The following TGFBR3 variants were observed in gnomAD, a reference collection of about 807,000 sequenced individuals.
The protein encoded by TGFBR3 is transforming growth factor beta receptor 3, also known as transforming growth factor beta receptor type 3.
A neutral mutation model predicts 87.9 loss-of-function variants in TGFBR3; 46 were observed. The observed-to-expected ratio is 0.52, with a 90% confidence interval of 0.41 to 0.67. TGFBR3 has a LOEUF of 0.67. TGFBR3 is among the 30% of genes least tolerant of loss of function. The probability of loss-of-function intolerance (pLI) is 0.00; values close to 1 mark genes in which losing one functional copy is unlikely to be tolerated. For synonymous variants in TGFBR3, 381 were observed against 391.6 expected, an observed-to-expected ratio of 0.97 and a Z score of 0.32; for missense variants, 866 against 1,041.9, an observed-to-expected ratio of 0.83 and a Z score of 2.32.
intron 3 of TGFBR3, among the ~76,000 whole-genome samples, chr1:91,759,949 C>T (rs1267740491): frequency 6.6e-6 from 1 of 152,208 alleles, no homozygotes; most frequent in East Asian, 1.9e-4. Flanking sequence ...TCTCAACATA[C>T]TTCTACCTTT....
intron 2 of TGFBR3, among the ~76,000 whole-genome samples, chr1:91,838,160 A>G (rs1295845099): frequency 6.6e-6 from 1 of 152,078 alleles, no homozygotes; most frequent in Non-Finnish European, 1.5e-5. Context: ...AGATTCCCCT[A>G]CTAAGATATC....
At chr1:91,708,604 G>T in intron 14 of TGFBR3, 59 bp downstream of exon 14, 2 of 1,611,796 alleles carry the variant, frequency 1.2e-6, no homozygotes, top group South Asian at 1.1e-5. Flanking sequence ...TACACTATTG[G>T]GTCTTCTTAA....
intron 2 of TGFBR3, among the ~76,000 whole-genome samples, chr1:91,853,259 C>CAAAAAAAAAAAAAAAAAAA (rs11340974): frequency 1.2e-4 from 9 of 76,602 alleles, no homozygotes; most frequent in African/African-American, 3.9e-4. Flanking sequence ...TGAGGGTTGG[C>CAAAAAAAAAAAAAAAAAAA]AAAAAAAAAA....
intron 3 of TGFBR3, among the ~76,000 whole-genome samples, chr1:91,760,157 C>T (rs898557974): frequency 6.6e-6 from 1 of 152,256 alleles, no homozygotes; most frequent in Non-Finnish European, 1.5e-5. Flanking sequence ...CTTGCATCAT[C>T]TTGTTCACTA....
In TGFBR3 at chr1:91,683,348, T is replaced by C. The variant is rs1670975670; in HGVS notation, c.*391A>G. On this transcript the variant is annotated 3_prime_UTR_variant, in exon 17 of 17. Coordinates refer to ENST00000212355, the MANE Select transcript of TGFBR3 (RefSeq NM_003243.5). ...CTCACTGGTTCTACTATCTGGCTAT[T>C]AACCCTTTACCAACTCCTTGAGTCT... The C allele has an allele frequency of 2.1e-6, 1 of 479,316 alleles. No individual in the cohort carries two copies. The highest frequency in any genetic ancestry group is 4.1e-6 in the Non-Finnish European group (1 of 243,724). The allele number at this position is 479,316 out of a possible 1,614,324, so 29.7% of individuals were successfully genotyped here. A position where few individuals can be genotyped will look rare whatever the true frequency, so the allele number is the denominator to read the frequency against.
At chr1:91,684,622 G>T (rs1226361021) in intron 16 of TGFBR3, among the ~76,000 whole-genome samples, 1 of 152,102 alleles carries the variant, frequency 6.6e-6, no homozygotes. Flanking sequence ...CATTCATCGT[G>T]CCAAATGTGC....
chr1:91,764,613 ATG>A (rs906924671), intron 3 of TGFBR3, among the ~76,000 whole-genome samples: 2 of 152,130 alleles, frequency 1.3e-5, no homozygotes, highest in African/African-American at 4.8e-5. Flanking sequence ...GGAGACCCTG[ATG>A]TGTGGGTGGT....
intron 2 of TGFBR3, among the ~76,000 whole-genome samples, chr1:91,859,518 A>G (rs1678092821): frequency 6.6e-6 from 1 of 152,164 alleles, no homozygotes; most frequent in South Asian, 2.1e-4. Context: ...ATAGCACTTC[A>G]ATAATGAGAC....
chr1:91,881,853 C>G (rs1175795159), intron 1 of TGFBR3, among the ~76,000 whole-genome samples: 2 of 151,920 alleles, frequency 1.3e-5, no homozygotes, highest in Non-Finnish European at 2.9e-5. Context: ...TCGGGGCTAA[C>G]ACAGTGAAGC....
At chr1:91,694,479 G>A (rs1367968256) in intron 16 of TGFBR3, among the ~76,000 whole-genome samples, 2 of 152,234 alleles carry the variant, frequency 1.3e-5, no homozygotes, top group Non-Finnish European at 2.9e-5. Context: ...AGGAGATGTA[G>A]TATTTAAAGT....
rs552668910 is a variant in TGFBR3 at position 91,758,823 on chromosome 1, G to C, written c.247-73C>G. 1.9e-6 allele frequency: 3 copies of C among 1,598,778 alleles called. No individual in the cohort carries two copies. In the Admixed American group the frequency reaches 5.0e-5, roughly 27 times the overall value. On this transcript the variant is annotated intron_variant, in intron 3 of 16. Transcript: ENST00000212355. ...TGAAAATCACTCAGAGCAGCCTCTG[G>C]AATACTTTTTTTGCAACTCACTATC...
Position 91,682,148 on chromosome 1 carries a change from T to G in TGFBR3, c.*1591A>C. The G allele has an allele frequency of 2.2e-6, 1 of 454,104 alleles. No homozygotes were observed. The highest frequency in any genetic ancestry group is 1.6e-5 in the South Asian group (1 of 64,478). 28.1% of individuals were successfully genotyped at this position (454,104 alleles called of 1,614,324 possible). On this transcript the variant is annotated 3_prime_UTR_variant, in exon 17 of 17. Transcript: ENST00000212355. ...GATTGTCAATTTCCACATACTTGTT[T>G]CCCATGTAGACACTGCCCTAAGGTT... is the stretch of plus-strand genomic sequence containing the variant.
At chr1:91,785,215 G>A (rs1409169148) in intron 3 of TGFBR3, among the ~76,000 whole-genome samples, 1 of 152,250 alleles carries the variant, frequency 6.6e-6, no homozygotes, top group East Asian at 1.9e-4. Context: ...CTAAGTGAAA[G>A]AAGCTAGACA....
intron 14 of TGFBR3, among the ~76,000 whole-genome samples, chr1:91,704,096 G>C (rs562734775): frequency 6.6e-6 from 1 of 152,104 alleles, no homozygotes; most frequent in African/African-American, 2.4e-5. Flanking sequence ...GGGAGGCCGA[G>C]GTGGATGGAT....
intron 8 of TGFBR3, among the ~76,000 whole-genome samples, 168 bp from the exon 9 acceptor site, chr1:91,720,398 T>C (rs777416385): frequency 6.6e-6 from 1 of 152,262 alleles, no homozygotes; most frequent in Non-Finnish European, 1.5e-5. Flanking sequence ...ATTCTAGTCC[T>C]GGTGTTCTCT....
At chr1:91,725,668 G>A (rs1351952182) in intron 7 of TGFBR3, among the ~76,000 whole-genome samples, 1 of 152,180 alleles carries the variant, frequency 6.6e-6, no homozygotes, top group Admixed American at 6.5e-5. Flanking sequence ...AACTCAAGGT[G>A]AGTACTATCA....
At chr1:91,855,422 C>T (rs1677901744) in intron 2 of TGFBR3, among the ~76,000 whole-genome samples, 1 of 152,188 alleles carries the variant, frequency 6.6e-6, no homozygotes, top group Non-Finnish European at 1.5e-5. Context: ...CTGAATTCTC[C>T]ATGCATGCCT....
chr1:91,707,520 G>A (rs958402434), intron 14 of TGFBR3, among the ~76,000 whole-genome samples: 1 of 152,090 alleles, frequency 6.6e-6, no homozygotes, highest in Non-Finnish European at 1.5e-5. Context: ...CCATCCCAGG[G>A]CCACACCAAA....
intron 2 of TGFBR3, among the ~76,000 whole-genome samples, chr1:91,816,177 A>T (rs879391068): frequency 1.2e-4 from 18 of 152,324 alleles, no homozygotes; most frequent in East Asian, 5.8e-4. Context: ...AGAGGAAAAA[A>T]TAGATCAACA....
Sources: allele counts gnomAD v4.1 joint callset (sites outside exome capture counted in the v4.1 genomes callset), GRCh38; gene constraint gnomAD v4.1.1; transcripts MANE v1.5; gene names NCBI Gene and HGNC (gene_info 2026-07-23, HGNC 2026-07-21).